ANKHD1: variants seen among roughly 807,000 people sequenced by gnomAD.
ANKHD1 encodes ankyrin repeat and KH domain-containing protein 1.
ANKHD1 carries 31 observed loss-of-function variants against 230.5 expected under a neutral mutation model. The observed-to-expected ratio is 0.13, with a 90% CI of 0.10 to 0.18. The LOEUF (loss-of-function observed/expected upper bound fraction) is 0.18. ANKHD1 is among the 10% of genes least tolerant of loss of function. ANKHD1 has a pLI of 1.00. For missense variants in ANKHD1, 2,256 were observed against 3,071.3 expected (o/e 0.73, Z 6.27); for synonymous variants, 1,074 against 1,117.6 (o/e 0.96, Z 0.78).
chr5:140,408,172 A>G (rs1229991381), intron 1 of ANKHD1, among the ~76,000 whole-genome samples: 1 of 152,130 alleles, frequency 6.6e-6, no homozygotes, highest in Non-Finnish European at 1.5e-5. Context: ...GCAAGACTCC[A>G]TCTCAAAAAA....
At position 140,405,109 on chromosome 5, in the gene ANKHD1, T is replaced by C. The variant is rs1770324781; in HGVS notation, c.306+2836T>C. On this transcript the variant is annotated intron_variant, in intron 1 of 33. Coordinates refer to ENST00000360839, the MANE Select transcript of ANKHD1 (RefSeq NM_017747.3). ...TTTTTGAAGCTTATTGTAGAAGTCA[T>C]GTGTTGGTGATTCCTACACCCACTT... 2.6e-5 allele frequency among the ~76,000 whole-genome samples: 4 copies of C among 152,202 alleles called. No homozygotes were observed. In the South Asian group the frequency reaches 8.3e-4, roughly 32 times the overall value.
At chr5:140,457,000 C>G (rs1775244308) in intron 7 of ANKHD1, among the ~76,000 whole-genome samples, 1 of 151,992 alleles carries the variant, frequency 6.6e-6, no homozygotes, top group Admixed American at 6.6e-5. Flanking sequence ...TGAACTCAAA[C>G]AAATTTACAA....
At chr5:140,426,766 G>T (rs1312562796) in intron 1 of ANKHD1, among the ~76,000 whole-genome samples, 1 of 152,140 alleles carries the variant, frequency 6.6e-6, no homozygotes, top group African/African-American at 2.4e-5. Flanking sequence ...AGCACATCTT[G>T]CACCGCCCTT....
At chr5:140,453,662 CT>C (rs1774928608) in intron 7 of ANKHD1, among the ~76,000 whole-genome samples, 1 of 152,158 alleles carries the variant, frequency 6.6e-6, no homozygotes, top group Non-Finnish European at 1.5e-5. Flanking sequence ...CAAGCAAATG[CT>C]GAGAGATTTT....
chr5:140,449,124 A>G, intron 6 of ANKHD1, 87 bp from the exon 7 acceptor site: 2 of 1,323,334 alleles, frequency 1.5e-6, no homozygotes, highest in Non-Finnish European at 2.1e-6. Flanking sequence ...TCTTGTATAG[A>G]CATCTGAAGA....
At chr5:140,424,427 C>T (rs1397989364) in intron 1 of ANKHD1, among the ~76,000 whole-genome samples, 1 of 152,032 alleles carries the variant, frequency 6.6e-6, no homozygotes, top group Admixed American at 6.6e-5. Context: ...CTGACTCCTC[C>T]GGTGCATGCT....
intron 1 of ANKHD1, among the ~76,000 whole-genome samples, chr5:140,409,599 CTGGAGTGCAG>C (rs1770762122): frequency 6.7e-6 from 1 of 148,636 alleles, no homozygotes; most frequent in African/African-American, 2.5e-5. Context: ...GTCACCCAGG[CTGGAGTGCAG>C]TGGCAGGATC....
chr5:140,421,772 A>G (rs1299308038), intron 1 of ANKHD1, among the ~76,000 whole-genome samples: 3 of 152,166 alleles, frequency 2.0e-5, no homozygotes, highest in Admixed American at 1.3e-4. Context: ...AGTCTGTACT[A>G]TATTTTGGTA....
At position 140,527,702 on chromosome 5, in the gene ANKHD1, A is replaced by G. The variant is rs1753665524; in HGVS notation, c.5088-171A>G. 6.6e-6 allele frequency among the ~76,000 whole-genome samples: 1 copy of G among 152,228 alleles called. No homozygotes were observed. The highest frequency in any genetic ancestry group is 1.5e-5 in the Non-Finnish European group (1 of 68,038). ...TGTAATTTTTAACTTTACTAAATTC[A>G]ATTCAATATTACAAGAGATCAATTT... is the stretch of plus-strand genomic sequence containing the variant. On this transcript the variant is annotated intron_variant, in intron 27 of 33. Coordinates refer to ENST00000360839, the MANE Select transcript of ANKHD1 (RefSeq NM_017747.3). The surrounding 1 kb of genome is among the most constrained non-coding windows in gnomAD (Gnocchi z 4.5).
At chr5:140,526,772 C>A (rs1481342263) in intron 26 of ANKHD1, among the ~76,000 whole-genome samples, 156 bp from the exon 27 acceptor site, 1 of 152,060 alleles carries the variant, frequency 6.6e-6, no homozygotes, top group Non-Finnish European at 1.5e-5. Flanking sequence ...ATGATGGGTT[C>A]TTTGCTCTAT....
At chr5:140,458,223 C>T (rs1043906044) in intron 7 of ANKHD1, among the ~76,000 whole-genome samples, 1 of 152,050 alleles carries the variant, frequency 6.6e-6, no homozygotes, top group Non-Finnish European at 1.5e-5. Flanking sequence ...GAATATGACT[C>T]CTGAGTTTGA....
At chr5:140,524,907 TG>T in intron 25 of ANKHD1, 1 of 276,218 alleles carries the variant, frequency 3.6e-6, no homozygotes, top group Non-Finnish European at 7.2e-6. Flanking sequence ...GAGACCAGCC[TG>T]ACCAATATGG....
At chr5:140,518,199 A>G (rs2127072126) in intron 24 of ANKHD1, among the ~76,000 whole-genome samples, 1 of 152,006 alleles carries the variant, frequency 6.6e-6, no homozygotes, top group Non-Finnish European at 1.5e-5. Flanking sequence ...AGAAATGGAT[A>G]AATTCCTCGA....
At chr5:140,439,206 C>T (rs1381407614) in intron 3 of ANKHD1, among the ~76,000 whole-genome samples, 1 of 152,136 alleles carries the variant, frequency 6.6e-6, no homozygotes, top group Non-Finnish European at 1.5e-5. Flanking sequence ...TTTTCGCCTT[C>T]ACTGTTACTA....
At chr5:140,417,833 C>CTTTTTTTTT (rs35322010) in intron 1 of ANKHD1, among the ~76,000 whole-genome samples, 2 of 106,782 alleles carry the variant, frequency 1.9e-5, no homozygotes, top group Non-Finnish European at 3.6e-5. Flanking sequence ...CCCATATAGT[C>CTTTTTTTTT]TTTTTTTTTT....
At chr5:140,431,554 A>G (rs1321822910) in intron 1 of ANKHD1, among the ~76,000 whole-genome samples, 1 of 152,216 alleles carries the variant, frequency 6.6e-6, no homozygotes, top group East Asian at 1.9e-4. Context: ...GGATTTCAAT[A>G]GCACTGTAAG....
Position 140,501,195 on chromosome 5 carries a change from G to T in ANKHD1, c.3005-3626G>T, listed in dbSNP as rs1384964946. On this transcript the variant is annotated intron_variant, in intron 15 of 33. Coordinates refer to ENST00000360839, the MANE Select transcript of ANKHD1 (RefSeq NM_017747.3). ...GGTTCAAGCGATTCCCCTTGCCTCA[G>T]CCTCCCAAGTAGCTGGGATTACAGG... Among the ~76,000 whole-genome samples the T allele has an allele frequency of 2.0e-5, 3 of 149,822 alleles. No homozygotes were observed. The Admixed American group carries it at 2.0e-4, about 10-fold the overall frequency.
At chr5:140,470,345 A>G (rs1047883511) in intron 10 of ANKHD1, among the ~76,000 whole-genome samples, 1 of 142,606 alleles carries the variant, frequency 7.0e-6, no homozygotes, top group Non-Finnish European at 1.5e-5. Flanking sequence ...AATTTTTAAA[A>G]TTTTTTTTTT....
At chr5:140,473,566 C>G (rs1317647355) in intron 10 of ANKHD1, among the ~76,000 whole-genome samples, 1 of 151,994 alleles carries the variant, frequency 6.6e-6, no homozygotes, top group Non-Finnish European at 1.5e-5. Flanking sequence ...TCAGCCTCCC[C>G]AGTAGCTGGG....
Sources: allele counts gnomAD v4.1 joint callset (sites outside exome capture counted in the v4.1 genomes callset), GRCh38; gene constraint gnomAD v4.1.1; non-coding constraint Gnocchi (gnomAD v3.1); transcripts MANE v1.5; gene names NCBI Gene and HGNC (gene_info 2026-07-23, HGNC 2026-07-21).